Variants in RBM27 observed in about 807,000 individuals in gnomAD.
RBM27 encodes RNA-binding protein 27.
In RBM27, 22 loss-of-function variants were observed where a neutral mutation model predicts 135.3. The ratio of observed to expected loss-of-function variants is 0.16; its 90% CI spans 0.12 to 0.23. The LOEUF is 0.23. RBM27 is among the 10% of genes least tolerant of loss of function. RBM27 has a pLI of 1.00. For synonymous variants in RBM27, 481 were observed against 442.4 expected, an observed-to-expected ratio of 1.09 and a Z score of -1.10; for missense variants, 1,009 against 1,281.0, an observed-to-expected ratio of 0.79 and a Z score of 3.24.
chr5:146,233,673 C>T lies in RBM27; in HGVS notation c.1074C>T (p.Gly358=). Residue 358 remains glycine (G), a synonymous_variant, in exon 7 of 21, where the codon GGC becomes GGT. Coordinates refer to ENST00000265271, the MANE Select transcript of RBM27 (RefSeq NM_018989.2). ...GPGPGPGPGP[G]HSMRLPVPQG... ...GCCCGGGCCCAGGTCCAGGTCCTGG[C>T]CATAGTATGAGACTTCCTGTTCCCC... 1 of 1,548,470 alleles carries T rather than the reference C, an allele frequency of 6.5e-7. No homozygotes were observed. The highest frequency in any genetic ancestry group is 8.6e-7 in the Non-Finnish European group (1 of 1,157,236).
intron 1 of RBM27, among the ~76,000 whole-genome samples, chr5:146,211,332 C>T (rs1054784114): frequency 3.3e-5 from 5 of 151,672 alleles, no homozygotes; most frequent in African/African-American, 9.7e-5. Context: ...GTTATAGTAG[C>T]CCAAACAGAC....
intron 12 of RBM27, among the ~76,000 whole-genome samples, chr5:146,261,207 C>A (rs1275585445): frequency 6.6e-6 from 1 of 152,170 alleles, no homozygotes; most frequent in Non-Finnish European, 1.5e-5. Context: ...GTGCTGTCTT[C>A]CTCGCTTGCA....
At chr5:146,270,133 A>G (rs1177471458) in intron 17 of RBM27, among the ~76,000 whole-genome samples, 1 of 152,166 alleles carries the variant, frequency 6.6e-6, no homozygotes, top group East Asian at 1.9e-4. Context: ...AAAATGTGGC[A>G]TGTTATTAAA....
In RBM27 at chr5:146,203,792, C is replaced by G. The variant is rs1755490093; in HGVS notation, c.27C>G (p.Leu9=). The change falls in exon 1 of 21, where the codon CTC becomes CTG. Residue 9 remains leucine (L), a synonymous_variant. Coordinates refer to ENST00000265271, the MANE Select transcript of RBM27 (RefSeq NM_018989.2). The part of the protein sequence containing the change: MLIEDVDA[L]KSWLAKLLEP... ...TGCTCATAGAGGATGTGGATGCCCT[C>G]AAGTCCTGGCTGGCCAAGTTACTGG... The G allele has an allele frequency of 1.9e-6, 3 of 1,549,942 alleles. No homozygotes were observed. The highest frequency in any genetic ancestry group is 2.7e-5 in the African/African-American group (2 of 72,742).
chr5:146,209,438 G>A (rs149614207), intron 1 of RBM27, among the ~76,000 whole-genome samples: 1 of 152,268 alleles, frequency 6.6e-6, no homozygotes, highest in African/African-American at 2.4e-5. Flanking sequence ...GATTGAATAT[G>A]TTGTCAGCTT....
At chr5:146,271,103 A>C in intron 18 of RBM27, 45 bp downstream of exon 18, 159 of 1,498,256 alleles carry the variant, frequency 1.1e-4, no homozygotes, top group Non-Finnish European at 1.3e-4. Flanking sequence ...TTAACGTCTC[A>C]AAAAAGTTTT....
rs185400321 is a variant in RBM27 at position 146,275,356 on chromosome 5, C to T, written c.2988+3682C>T. 3.1e-3 allele frequency among the ~76,000 whole-genome samples: 478 copies of T among 151,788 alleles called. 4 individuals are homozygous for T. The highest frequency in any genetic ancestry group is 0.011 in the African/African-American group (460 of 41,394). ...GTGATCTCGACTCCCTTGCAATCTCCGCCTCCTAGGTTCAAGTGATTCACC... is the reference window on the plus strand; with the variant it reads ...GTGATCTCGACTCCCTTGCAATCTCTGCCTCCTAGGTTCAAGTGATTCACC... On this transcript the variant is annotated intron_variant, in intron 19 of 20. Transcript: ENST00000265271.
intron 8 of RBM27, among the ~76,000 whole-genome samples, chr5:146,240,603 G>T (rs140867063): frequency 1.7e-3 from 260 of 152,168 alleles, no homozygotes; most frequent in African/African-American, 6.0e-3. Flanking sequence ...CTGGGATTAC[G>T]GGCATGAACC....
intron 1 of RBM27, among the ~76,000 whole-genome samples, chr5:146,210,872 G>A (rs1019183773): frequency 6.6e-6 from 1 of 152,118 alleles, no homozygotes. Flanking sequence ...ACGTGAACCT[G>A]GGAGGCGGAG....
At chr5:146,250,088 G>A (rs1340986688) in intron 8 of RBM27, among the ~76,000 whole-genome samples, 1 of 152,098 alleles carries the variant, frequency 6.6e-6, no homozygotes, top group East Asian at 1.9e-4. Flanking sequence ...TTGCTTTGTA[G>A]CCTGTCCTAT....
chr5:146,247,064 A>G (rs559651513), intron 8 of RBM27, among the ~76,000 whole-genome samples: 29 of 151,324 alleles, frequency 1.9e-4, no homozygotes, highest in African/African-American at 7.0e-4. Context: ...AGGGCTCCCC[A>G]TGTTGCCCAG....
Position 146,237,388 on chromosome 5 carries a change from T to C in RBM27, c.1235T>C (p.Leu412Pro), listed in dbSNP as rs747330610. The part of the protein sequence containing the change: ...VPNLASVGTR[L>P]PPPLPQNLLY... Reference sequence around the variant, plus strand: ...AATCTTGCATCAGTGGGAACAAGACTACCTCCTCCTTTACCCCAGAACCTC... The same window carrying C: ...AATCTTGCATCAGTGGGAACAAGACCACCTCCTCCTTTACCCCAGAACCTC... Residue 412 changes from leucine to proline, a missense_variant, in exon 8 of 21, where the codon CTA becomes CCA. Coordinates refer to ENST00000265271, the MANE Select transcript of RBM27 (RefSeq NM_018989.2). 2.5e-6 allele frequency: 4 copies of C among 1,613,916 alleles called. No individual in the cohort carries two copies. The highest frequency in any genetic ancestry group is 2.5e-6 in the Non-Finnish European group (3 of 1,179,872).
intron 1 of RBM27, among the ~76,000 whole-genome samples, chr5:146,217,760 G>A (rs1006440230): frequency 6.6e-6 from 1 of 151,530 alleles, no homozygotes; most frequent in African/African-American, 2.4e-5. Context: ...TTGTTTGTTT[G>A]TTTGTTTTTT....
chr5:146,280,064 T>G (rs1208217971), intron 19 of RBM27, among the ~76,000 whole-genome samples: 1 of 151,926 alleles, frequency 6.6e-6, no homozygotes, highest in Non-Finnish European at 1.5e-5. Flanking sequence ...TTAATTTTTT[T>G]TTTTTTTGGA....
chr5:146,263,325 G>A (rs879557006), intron 13 of RBM27, among the ~76,000 whole-genome samples, 166 bp from the exon 14 acceptor site: 3 of 152,118 alleles, frequency 2.0e-5, no homozygotes, highest in Admixed American at 2.0e-4. Context: ...TCTATCATTT[G>A]TATATTCACC....
chr5:146,264,292 T>A (rs891987654), intron 14 of RBM27, among the ~76,000 whole-genome samples: 2 of 152,022 alleles, frequency 1.3e-5, no homozygotes, highest in African/African-American at 4.8e-5. Context: ...CAAGCGATTC[T>A]GCTGCCTCAG....
In RBM27 at chr5:146,218,212, C is replaced by T. The variant is rs76764596; in HGVS notation, c.60-773C>T. ...GTTTCATGTGATGTACATAAAACCT[C>T]GAGTCTGACAGATTACTATACATCA... On this transcript the variant is annotated intron_variant, in intron 1 of 20. Coordinates refer to ENST00000265271, the MANE Select transcript of RBM27 (RefSeq NM_018989.2). 5.9e-3 allele frequency among the ~76,000 whole-genome samples: 904 copies of T among 152,220 alleles called. 8 individuals carry two copies. The highest frequency in any genetic ancestry group is 0.02 in the African/African-American group (850 of 41,534).
intron 14 of RBM27, among the ~76,000 whole-genome samples, chr5:146,264,565 C>A (rs1374537507): frequency 6.7e-6 from 1 of 149,076 alleles, no homozygotes; most frequent in African/African-American, 2.5e-5. Flanking sequence ...TAGTAAAAAA[C>A]CAAACTTTGA....
At chr5:146,208,430 CT>C (rs1755797545) in intron 1 of RBM27, among the ~76,000 whole-genome samples, 1 of 152,140 alleles carries the variant, frequency 6.6e-6, no homozygotes, top group South Asian at 2.1e-4. Flanking sequence ...GAAATGACTC[CT>C]TAACTGGCTG....
Sources: allele counts gnomAD v4.1 joint callset (sites outside exome capture counted in the v4.1 genomes callset), GRCh38; gene constraint gnomAD v4.1.1; transcripts MANE v1.5; gene names NCBI Gene and HGNC (gene_info 2026-07-23, HGNC 2026-07-21).